ALYREF: variants seen among roughly 807,000 people sequenced by gnomAD.
ALYREF encodes THO complex subunit 4.
Under a neutral mutation model 25.2 loss-of-function variants are expected in ALYREF, and 1 was observed. The observed-to-expected ratio is 0.04, with a 90% CI of 0.01 to 0.19. The LOEUF is 0.19. Ranked by LOEUF, ALYREF falls within the 10% of genes least tolerant of loss-of-function variation. The pLI, the probability that ALYREF is intolerant of heterozygous loss-of-function variation, is 1.00. For synonymous variants in ALYREF, 193 were observed against 153.5 expected (o/e 1.26, Z -1.90); for missense variants, 328 against 375.6 (o/e 0.87, Z 1.05).
rs2039455477 is a variant in ALYREF at position 81,888,034 on chromosome 17, A to C, written c.*97T>G. On this transcript the variant is annotated 3_prime_UTR_variant, in exon 6 of 6. Transcript: ENST00000505490. This position sits in a 1 kb window ranked among gnomAD's most constrained non-coding sequence, Gnocchi z 5.8. ...CTATTTTAAAACATAAAAGAAACAA[A>C]TCCATCATTGGCCGCACAGCCCCAG... The C allele has an allele frequency of 1.4e-6, 2 of 1,447,526 alleles. No individual in the cohort carries two copies. Among genetic ancestry groups the C allele is most frequent in the Non-Finnish European group, 1.9e-6 (2 of 1,057,618 alleles). The allele number at this position is 1,447,526 out of a possible 1,614,324, so 89.7% of individuals were successfully genotyped here.
At chr17:81,889,111 C>T in intron 3 of ALYREF, 71 bp downstream of exon 3, 1 of 1,587,104 alleles carries the variant, frequency 6.3e-7, no homozygotes, top group Non-Finnish European at 8.6e-7. Context: ...ACCCCATATT[C>T]CTACCTGGAC....
chr17:81,890,643 G>T, intron 2 of ALYREF, 46 bp downstream of exon 2: 1 of 1,598,882 alleles, frequency 6.3e-7, no homozygotes, highest in South Asian at 1.1e-5. Flanking sequence ...ATCACGATCC[G>T]TCCTGTGCAG....
In ALYREF at chr17:81,888,969, G is replaced by A. The variant is rs1215117594; in HGVS notation, c.538+213C>T. 21 of 1,421,802 alleles carry A rather than the reference G, an allele frequency of 1.5e-5. No homozygotes were observed. Among genetic ancestry groups the A allele is most frequent in the Non-Finnish European group, 1.8e-5 (20 of 1,090,346 alleles). 88.1% of individuals were successfully genotyped at this position (1,421,802 alleles called of 1,614,324 possible). A position where few individuals can be genotyped will look rare whatever the true frequency, so the allele number is the denominator to read the frequency against. On this transcript the variant is annotated intron_variant, in intron 3 of 5. Coordinates refer to ENST00000505490, the MANE Select transcript of ALYREF (RefSeq NM_005782.4). The surrounding 1 kb of genome is among the most constrained non-coding windows in gnomAD (Gnocchi z 5.8). ...AGTGAATCTTCCGGAAGGAGCTGAAGGAGGGGAGGGATGTAGCTTGCTGGA... is the reference window on the plus strand; with the variant it reads ...AGTGAATCTTCCGGAAGGAGCTGAAAGAGGGGAGGGATGTAGCTTGCTGGA...
At position 81,888,397 on chromosome 17, in the gene ALYREF, A is replaced by G. The variant is rs2039460510; in HGVS notation, c.624T>C (p.Thr208=). 6.2e-7 allele frequency: 1 copy of G among 1,600,754 alleles called. No homozygotes were observed. Residue 208 remains threonine, a synonymous_variant, in exon 5 of 6, where the codon ACT becomes ACC. Transcript: ENST00000505490. This position sits in a 1 kb window ranked among gnomAD's most constrained non-coding sequence, Gnocchi z 5.8. ...CAAAACCTCCAGCGCCACGGTTTCT[A>G]GTCATGCCACCTCTGTTTACGCTAG... ...PAQSVNRGGM[T]RNRGAGGFGG...
chr17:81,891,458 G>A lies in ALYREF; in HGVS notation c.123C>T (p.Ser41=). The change falls in exon 1 of 6, where the codon TCC becomes TCT. Residue 41 remains serine, a synonymous_variant. Transcript: ENST00000505490. ...GCGCCCCACCGCCGCGGCCGCCCTGGGAGCCGGCCCGGCCGCGGCCCCGGC... is the reference window on the plus strand; with the variant it reads ...GCGCCCCACCGCCGCGGCCGCCCTGAGAGCCGGCCCGGCCGCGGCCCCGGC... ...GGGRGRGRAG[S]QGGRGGGAQA... 9.5e-7 allele frequency: 1 copy of A among 1,056,506 alleles called. No individual in the cohort carries two copies. Among genetic ancestry groups the A allele is most frequent in the Non-Finnish European group, 1.1e-6 (1 of 878,600 alleles). The allele number at this position is 1,056,506 out of a possible 1,614,324, so 65.4% of individuals were successfully genotyped here. A position where few individuals can be genotyped will look rare whatever the true frequency, so the allele number is the denominator to read the frequency against.
chr17:81,889,071 C>A, intron 3 of ALYREF, 111 bp downstream of exon 3: 1 of 1,495,716 alleles, frequency 6.7e-7, no homozygotes, highest in South Asian at 1.3e-5. Flanking sequence ...GACAAAGGGG[C>A]AAATGCAAAG....
intron 2 of ALYREF, chr17:81,889,674 G>A (rs377079870): frequency 8.4e-6 from 2 of 238,796 alleles, no homozygotes; most frequent in Non-Finnish European, 1.7e-5. Context: ...AACGGTAAAG[G>A]CCAAAATCAA....
At chr17:81,889,436 G>A (rs2039472937) in intron 2 of ALYREF, 107 bp from the exon 3 acceptor site, 5 of 1,313,462 alleles carry the variant, frequency 3.8e-6, no homozygotes, top group Non-Finnish European at 5.4e-6. Context: ...GTGGTTCTCT[G>A]GGAGGCAGGA....
At chr17:81,889,410 G>A (rs559983010) in intron 2 of ALYREF, 81 bp from the exon 3 acceptor site, 3 of 1,529,796 alleles carry the variant, frequency 2.0e-6, no homozygotes, top group East Asian at 2.3e-5. Context: ...CCCTGGAAGC[G>A]TGAGTTGCTT....
In ALYREF at chr17:81,888,543, G is replaced by C; in HGVS notation, c.579C>G (p.Asp193Glu). 1.3e-6 allele frequency: 2 copies of C among 1,596,912 alleles called. No homozygotes were observed. The highest frequency in any genetic ancestry group is 1.1e-5 in the South Asian group (1 of 88,952). ...MNIQLVTSQI[D>E]AQRRPAQSVN... The stretch of plus-strand genomic sequence containing the variant: ...ACCTCTGTGCAGGCCTCCGCTGTGC[G>C]TCAATCTGTGACGTGACAAGCTGAA... Residue 193 changes from aspartate to glutamate, a missense_variant, in exon 4 of 6, where the codon GAC becomes GAG. This residue lies in a region of ALYREF where 108 missense variants were observed against 110.5 expected (regional missense o/e 0.98). Transcript: ENST00000505490. This position sits in a 1 kb window ranked among gnomAD's most constrained non-coding sequence, Gnocchi z 5.8.
Position 81,887,866 on chromosome 17 carries a change from T to C in ALYREF, c.*265A>G, listed in dbSNP as rs972610995. On this transcript the variant is annotated 3_prime_UTR_variant, in exon 6 of 6. Transcript: ENST00000505490. ...TTCTACACACATTTCTATTTTATTA[T>C]GGAAAAGGTGGAAACGCCACCTTCT... 2.4e-5 allele frequency: 10 copies of C among 408,766 alleles called. No homozygotes were observed. The South Asian group carries it at 3.3e-4, about 14-fold the overall frequency. 25.3% of individuals were successfully genotyped at this position (408,766 alleles called of 1,614,324 possible). A position where few individuals can be genotyped will look rare whatever the true frequency, so the allele number is the denominator to read the frequency against.
chr17:81,889,292 G>A lies in ALYREF; in HGVS notation c.428C>T (p.Ala143Val), dbSNP rs1388519159. The A allele has an allele frequency of 6.2e-7, 1 of 1,614,086 alleles. No homozygotes were observed. The highest frequency in any genetic ancestry group is 8.5e-7 in the Non-Finnish European group (1 of 1,180,004). Residue 143 changes from alanine to valine, a missense_variant, in exon 3 of 6, where the codon GCT (alanine) becomes GTT (valine). Physicochemically the swap from Ala to Val is moderately conservative, Grantham distance 64. This residue lies in a region of ALYREF where 70 missense variants were observed against 129.9 expected (regional missense o/e 0.54). Coordinates refer to ENST00000505490, the MANE Select transcript of ALYREF (RefSeq NM_005782.4). Reference protein sequence around the residue: ...FAEFGTLKKAAVHYDRSGRSL... With the variant: ...FAEFGTLKKAVVHYDRSGRSL... The stretch of plus-strand genomic sequence containing the variant: ...GCGACCAGAGCGATCATAGTGCACA[G>A]CCGCCTTCTTCAGCGTTCCAAATTC...
intron 2 of ALYREF, 121 bp from the exon 3 acceptor site, chr17:81,889,450 T>A: frequency 8.6e-7 from 1 of 1,166,426 alleles, no homozygotes; most frequent in Non-Finnish European, 1.2e-6. Context: ...GGCAGGACAG[T>A]GGTTAACGGG....
At position 81,888,231 on chromosome 17, in the gene ALYREF, C is replaced by CG; in HGVS notation, c.780+9dup. 1 of 1,613,484 alleles carries CG rather than the reference C, an allele frequency of 6.2e-7. No homozygotes were observed. The highest frequency in any genetic ancestry group is 8.5e-7 in the Non-Finnish European group (1 of 1,179,866). ...TGACCAGGCCCCCAGCTGGCTCCCC[C>CG]GGGACTCACTCTCGCATTATAGGCG... On this transcript the variant is annotated intron_variant, in intron 5 of 5. Transcript: ENST00000505490. This position sits in a 1 kb window ranked among gnomAD's most constrained non-coding sequence, Gnocchi z 5.8.
Position 81,891,402 on chromosome 17 carries a change from C to T in ALYREF, c.179G>A (p.Gly60Glu). 9.4e-7 allele frequency: 1 copy of T among 1,068,978 alleles called. No homozygotes were observed. Among genetic ancestry groups the T allele is most frequent in the Non-Finnish European group, 1.1e-6 (1 of 886,026 alleles). 66.2% of individuals were successfully genotyped at this position (1,068,978 alleles called of 1,614,324 possible). The change falls in exon 1 of 6, where the codon GGG becomes GAG. Residue 60 changes from glycine to glutamate, a missense_variant. Gly to Glu is a moderately conservative substitution (Grantham distance 98). Transcript: ENST00000505490. Reference sequence around the variant, plus strand: ...GATGGCCGGCCGGTTCCGGATGGGCCCGCCGCCTCGATTCACTCGCGCGGC... The same window carrying T: ...GATGGCCGGCCGGTTCCGGATGGGCTCGCCGCCTCGATTCACTCGCGCGGC... ...QAAARVNRGG[G>E]PIRNRPAIAR...
Position 81,890,754 on chromosome 17 carries a change from C to T in ALYREF, c.325G>A (p.Val109Met). Residue 109 changes from valine to methionine, a missense_variant, in exon 2 of 6, where the codon GTG becomes ATG. Physicochemically the swap from Val to Met is conservative, Grantham distance 21. Around this residue, in one of 3 missense-constraint regions of ALYREF, gnomAD observed 70 missense variants for 129.9 expected, o/e 0.54. Transcript: ENST00000505490. ...ACCAGCAGTTTCCCACCTGTCTCCA[C>T]GCCGGCACCACCGCCGAAGCCACTG... ...FDSGFGGGAG[V>M]ETGGKLLVSN... 1 of 1,614,116 alleles carries T rather than the reference C, an allele frequency of 6.2e-7. No homozygotes were observed. The highest frequency in any genetic ancestry group is 8.5e-7 in the Non-Finnish European group (1 of 1,180,016).
rs75583866 is a variant in ALYREF, at chr17:81,888,340, G to A, written c.681C>T (p.Arg227=). 14,763 of 1,605,098 alleles carry A rather than the reference G, an allele frequency of 9.2e-3. 1,221 individuals are homozygous for A. The African/African-American group carries it at 0.17, about 19-fold the overall frequency. The change falls in exon 5 of 6, where the codon CGC becomes CGT. Residue 227 remains arginine (R), a synonymous_variant. Transcript: ENST00000505490. This position sits in a 1 kb window ranked among gnomAD's most constrained non-coding sequence, Gnocchi z 5.8. ...GGGGGTRRGT[R]GGARGRGRGA... The stretch of plus-strand genomic sequence containing the variant: ...CTCTGCCTCTTCCACGGGCGCCTCC[G>A]CGGGTGCCTCTCCGGGTGCCTCCAC...
chr17:81,891,266 GC>G, intron 1 of ALYREF, 56 bp downstream of exon 1: 2 of 1,081,000 alleles, frequency 1.9e-6, no homozygotes, highest in Non-Finnish European at 2.2e-6. Flanking sequence ...AGCGGCCCCG[GC>G]CCCAGCCCCG....
Position 81,887,852 on chromosome 17 carries a change from T to A in ALYREF, c.*279A>T. The A allele has an allele frequency of 3.5e-6, 1 of 285,036 alleles. No homozygotes were observed. Among genetic ancestry groups the A allele is most frequent in the Non-Finnish European group, 6.5e-6 (1 of 153,346 alleles). 17.7% of individuals were successfully genotyped at this position (285,036 alleles called of 1,614,324 possible). A position where few individuals can be genotyped will look rare whatever the true frequency, so the allele number is the denominator to read the frequency against. On this transcript the variant is annotated 3_prime_UTR_variant, in exon 6 of 6. Transcript: ENST00000505490. ...TCAAACAGTTCCAGTTCTACACACA[T>A]TTCTATTTTATTATGGAAAAGGTGG... is the stretch of plus-strand genomic sequence containing the variant.
Sources: gnomAD v4.1 joint callset for allele counts on GRCh38, gnomAD v4.1.1 for gene constraint, gnomAD v4.1.1 regional missense constraint, Gnocchi (gnomAD v3.1) non-coding constraint, MANE v1.5 for transcripts, NCBI Gene and HGNC (gene_info 2026-07-23, HGNC 2026-07-21) for gene names.